The following TULP4 variants were observed in gnomAD, a reference collection of about 807,000 sequenced individuals.
TULP4 encodes TUB like protein 4.
TULP4 carries 16 observed loss-of-function variants against 129.0 expected under a neutral mutation model. That is an observed-to-expected ratio of 0.12 (90% CI 0.08 to 0.19). The LOEUF (loss-of-function observed/expected upper bound fraction) is 0.19, where lower values mean the gene tolerates loss of function less well. TULP4 is among the 10% of genes least tolerant of loss of function. The pLI is 1.00. For synonymous variants in TULP4, 998 were observed against 854.0 expected (o/e 1.17, Z -2.94); for missense variants, 1,842 against 2,059.1 (o/e 0.89, Z 2.04).
chr6:158,429,978 C>A, intron 3 of TULP4, 81 bp downstream of exon 3: 1 of 1,344,504 alleles, frequency 7.4e-7, no homozygotes, highest in Non-Finnish European at 1.0e-6. Flanking sequence ...GAGAGGGGAG[C>A]TGGTGCAAAA....
At chr6:158,444,074 GC>G (rs1778969881) in intron 3 of TULP4, among the ~76,000 whole-genome samples, 1 of 151,736 alleles carries the variant, frequency 6.6e-6, no homozygotes, top group South Asian at 2.1e-4. Flanking sequence ...CAAAAAATTA[GC>G]CTGGCGTGGT....
At chr6:158,248,032 G>A (rs76202793) in intron 1 of TULP4, among the ~76,000 whole-genome samples, 2,502 of 152,262 alleles carry the variant, frequency 0.016, 29 homozygotes, top group Non-Finnish European at 0.024. Context: ...TCTGCTGTGC[G>A]CACAAAACCC....
intron 2 of TULP4, among the ~76,000 whole-genome samples, chr6:158,415,493 A>G (rs559587731): frequency 7.8e-4 from 117 of 149,280 alleles, no homozygotes; most frequent in African/African-American, 2.6e-3. Flanking sequence ...GGGACTACAG[A>G]CACCCACCAC....
chr6:158,361,477 T>G (rs749302431), intron 1 of TULP4, among the ~76,000 whole-genome samples: 8 of 152,354 alleles, frequency 5.3e-5, no homozygotes, highest in Non-Finnish European at 1.2e-4. Flanking sequence ...AAAAGCCCGT[T>G]TAACCAATGT....
intron 1 of TULP4, chr6:158,242,711 C>A: frequency 1.8e-6 from 1 of 549,200 alleles, no homozygotes; most frequent in South Asian, 1.9e-5. Context: ...TGTGGATCTG[C>A]AGTATCTTAT....
chr6:158,493,797 G>C lies in TULP4; in HGVS notation c.1776+80G>C. On this transcript the variant is annotated intron_variant, in intron 10 of 13. Transcript: ENST00000367097. This position sits in a 1 kb window ranked among gnomAD's most constrained non-coding sequence, Gnocchi z 4.4. ...GAGGGCCCCTTCCTACCCGCCGCCT[G>C]CACTGCTCACTGCCACCATGGGTCC... is the stretch of plus-strand genomic sequence containing the variant. 2 of 1,427,022 alleles carry C rather than the reference G, an allele frequency of 1.4e-6. No individual in the cohort carries two copies. The highest frequency in any genetic ancestry group is 3.0e-5 in the South Asian group (2 of 66,756). 88.4% of individuals were successfully genotyped at this position (1,427,022 alleles called of 1,614,324 possible). A position where few individuals can be genotyped will look rare whatever the true frequency, so the allele number is the denominator to read the frequency against.
At chr6:158,486,531 T>C (rs1033046723) in intron 8 of TULP4, among the ~76,000 whole-genome samples, 11 of 151,886 alleles carry the variant, frequency 7.2e-5, no homozygotes, top group East Asian at 3.9e-4. Flanking sequence ...CCAGCCTGGG[T>C]GACAGAGCAA....
chr6:158,333,818 A>G (rs1283020073), intron 1 of TULP4, among the ~76,000 whole-genome samples: 1 of 152,252 alleles, frequency 6.6e-6, no homozygotes, highest in Non-Finnish European at 1.5e-5. Flanking sequence ...AATTTATTAT[A>G]AAATGTTAAA....
At position 158,290,488 on chromosome 6, in the gene TULP4, C is replaced by A. The variant is rs147256409; in HGVS notation, n.116+8110C>A. 2.3e-4 allele frequency among the ~76,000 whole-genome samples: 35 copies of A among 152,224 alleles called. No individual in the cohort carries two copies. The East Asian group carries it at 4.8e-3, about 21-fold the overall frequency. ...ATTATGTCTACTTCGTTGATTGTTTCCTTTGCTGTGCAGAAGCTTTGTACA... is the reference window on the plus strand; with the variant it reads ...ATTATGTCTACTTCGTTGATTGTTTACTTTGCTGTGCAGAAGCTTTGTACA... On this transcript the variant is annotated intron_variant and non_coding_transcript_variant, in intron 1 of 1. Transcript: ENST00000432358.
At position 158,313,193 on chromosome 6, in the gene TULP4, C is replaced by T. The variant is rs116320683; in HGVS notation, c.-824C>T. On this transcript the variant is annotated 5_prime_UTR_variant, in exon 1 of 14. Transcript: ENST00000367097. The stretch of plus-strand genomic sequence containing the variant: ...CATTCTGCCTCTTGAGTGAAGGGGC[C>T]TTCTTTCTAGCCTCTATGGCACTGA... The T allele has an allele frequency of 4.6e-3, 1,402 of 303,532 alleles. 15 individuals carry two copies. Among genetic ancestry groups the T allele is most frequent in the African/African-American group, 0.028 (1,312 of 46,712 alleles). 18.8% of individuals were successfully genotyped at this position (303,532 alleles called of 1,614,324 possible).
chr6:158,234,365 T>C (rs1343496026), intron 1 of TULP4, among the ~76,000 whole-genome samples: 1 of 152,238 alleles, frequency 6.6e-6, no homozygotes, highest in Admixed American at 6.5e-5. Flanking sequence ...GCAGCCTTCC[T>C]TCAGGCCAAA....
chr6:158,255,539 C>T lies in TULP4; in HGVS notation n.68+23236C>T, dbSNP rs528446151. On this transcript the variant is annotated intron_variant and non_coding_transcript_variant, in intron 1 of 1. Transcript: ENST00000620026. ...GGTTCTGGAAAACTCAGCCTTACAG[C>T]AACAACTCTAAGAATGGTGGCCTTT... Among the ~76,000 whole-genome samples, 6 of 152,150 alleles carry T rather than the reference C, an allele frequency of 3.9e-5. No homozygotes were observed. In the East Asian group the frequency reaches 1.2e-3, roughly 29 times the overall value.
chr6:158,498,556 T>C (rs1780379303), intron 11 of TULP4, 113 bp from the exon 12 acceptor site: 1 of 1,340,046 alleles, frequency 7.5e-7, no homozygotes, highest in African/African-American at 1.4e-5. Context: ...TACACAGATC[T>C]GTCTTCTGAT....
intron 3 of TULP4, among the ~76,000 whole-genome samples, chr6:158,435,819 G>A (rs571874055): frequency 3.3e-5 from 5 of 152,026 alleles, no homozygotes; most frequent in South Asian, 2.1e-4. Context: ...TCCTCCCTCC[G>A]GTCCCTCATC....
chr6:158,243,424 C>T (rs1029563503), intron 1 of TULP4, among the ~76,000 whole-genome samples: 13 of 148,604 alleles, frequency 8.7e-5, no homozygotes, highest in South Asian at 2.1e-4. Flanking sequence ...TGGGCGTGTA[C>T]GTGTGTGTGT....
chr6:158,349,562 G>GCA (rs1780440873), intron 1 of TULP4, among the ~76,000 whole-genome samples: 2 of 134,924 alleles, frequency 1.5e-5, no homozygotes, highest in Non-Finnish European at 3.3e-5. Flanking sequence ...GACGATGGGT[G>GCA]GCCGGGCAGA....
chr6:158,240,961 C>T (rs1189091786), intron 1 of TULP4, among the ~76,000 whole-genome samples: 2 of 142,276 alleles, frequency 1.4e-5, no homozygotes, highest in South Asian at 4.6e-4. Flanking sequence ...AGGGCAGCTG[C>T]CGGGCGGAGG....
chr6:158,346,904 C>G (rs1780327080), intron 1 of TULP4, among the ~76,000 whole-genome samples: 1 of 148,146 alleles, frequency 6.8e-6, no homozygotes, highest in African/African-American at 2.4e-5. Context: ...TTTTTTGCCC[C>G]TCAAAATTTG....
chr6:158,353,122 A>G (rs1780567008), intron 1 of TULP4, among the ~76,000 whole-genome samples: 1 of 152,236 alleles, frequency 6.6e-6, no homozygotes, highest in Non-Finnish European at 1.5e-5. Context: ...GCTATGTAGC[A>G]TGGCTGTCCC....
Sources: gnomAD v4.1 joint callset for allele counts (sites outside exome capture counted in the v4.1 genomes callset) on GRCh38, gnomAD v4.1.1 for gene constraint, Gnocchi (gnomAD v3.1) non-coding constraint, MANE v1.5 for transcripts, NCBI Gene and HGNC (gene_info 2026-07-23, HGNC 2026-07-21) for gene names.